NCALD: variants seen among roughly 807,000 people sequenced by gnomAD.
NCALD encodes neurocalcin-delta.
A neutral mutation model predicts 18.6 loss-of-function variants in NCALD; 10 were observed. The observed-to-expected ratio is 0.54, with a 90% CI of 0.33 to 0.91. The LOEUF (loss-of-function observed/expected upper bound fraction) is 0.91. Ranked by LOEUF, NCALD falls within the 40% of genes least tolerant of loss-of-function variation. The pLI is 0.03. For missense variants in NCALD, 184 were observed against 247.6 expected (o/e 0.74, Z 1.72); for synonymous variants, 88 against 87.4 (o/e 1.01, Z -0.04).
intron 1 of NCALD, among the ~76,000 whole-genome samples, chr8:102,068,470 C>T (rs1258339676): frequency 6.6e-6 from 1 of 152,182 alleles, no homozygotes; most frequent in African/African-American, 2.4e-5. Context: ...CTAGAATGTT[C>T]TTTCCTCTGT....
chr8:101,695,545 C>T (rs1047408426), intron 2 of NCALD, among the ~76,000 whole-genome samples: 2 of 152,102 alleles, frequency 1.3e-5, no homozygotes, highest in African/African-American at 4.8e-5. Context: ...CACCTGAGTG[C>T]TCACCTACCC....
At chr8:102,111,674 A>C (rs570871469) in intron 1 of NCALD, among the ~76,000 whole-genome samples, 1 of 152,234 alleles carries the variant, frequency 6.6e-6, no homozygotes, top group African/African-American at 2.4e-5. Context: ...TATAATCCAA[A>C]TTACTCATCT....
At chr8:102,091,765 A>G (rs1758095157) in intron 1 of NCALD, among the ~76,000 whole-genome samples, 1 of 152,218 alleles carries the variant, frequency 6.6e-6, no homozygotes, top group Non-Finnish European at 1.5e-5. Flanking sequence ...GGAGTTATGA[A>G]TGGCCCTCAC....
At chr8:101,822,646 C>T (rs1376979367) in intron 4 of NCALD, among the ~76,000 whole-genome samples, 1 of 152,220 alleles carries the variant, frequency 6.6e-6, no homozygotes. Context: ...GTGGTGCTGG[C>T]TGTTACAGCA....
chr8:102,079,213 T>C (rs531213492), intron 1 of NCALD, among the ~76,000 whole-genome samples: 1 of 152,350 alleles, frequency 6.6e-6, no homozygotes, highest in South Asian at 2.1e-4. Flanking sequence ...GAGCTTTAGC[T>C]TTGTGCACAC....
chr8:101,982,947 C>G (rs1301888810), intron 2 of NCALD, among the ~76,000 whole-genome samples: 1 of 152,128 alleles, frequency 6.6e-6, no homozygotes, highest in Admixed American at 6.5e-5. Flanking sequence ...CAGACACATG[C>G]TCTTCCCTTC....
intron 2 of NCALD, among the ~76,000 whole-genome samples, chr8:101,697,640 A>G (rs1815063345): frequency 6.6e-6 from 1 of 152,212 alleles, no homozygotes; most frequent in Admixed American, 6.5e-5. Flanking sequence ...CTAGTTCAAC[A>G]TATGCAAATA....
intron 4 of NCALD, among the ~76,000 whole-genome samples, chr8:101,821,939 C>T (rs1813740214): frequency 2.7e-5 from 4 of 148,296 alleles, no homozygotes; most frequent in Admixed American, 2.7e-4. Flanking sequence ...CAGGCCCCCA[C>T]ATGCTGGCTG....
chr8:102,007,642 G>T (rs918497307), intron 2 of NCALD, among the ~76,000 whole-genome samples: 1 of 152,144 alleles, frequency 6.6e-6, no homozygotes, highest in African/African-American at 2.4e-5. Flanking sequence ...TTCATCCCTC[G>T]ACCAGTTGCT....
chr8:102,035,586 G>T (rs749052613), intron 1 of NCALD, among the ~76,000 whole-genome samples: 5 of 151,996 alleles, frequency 3.3e-5, no homozygotes, highest in Admixed American at 6.6e-5. Context: ...GTGAATCAGC[G>T]TTTGTTCCTG....
chr8:101,800,262 A>C (rs1169960942), intron 4 of NCALD, among the ~76,000 whole-genome samples: 1 of 152,186 alleles, frequency 6.6e-6, no homozygotes, highest in East Asian at 1.9e-4. Context: ...CAAAAGTAAA[A>C]GAGAGGAATA....
At chr8:101,825,663 A>G (rs1304451778) in intron 4 of NCALD, among the ~76,000 whole-genome samples, 2 of 152,286 alleles carry the variant, frequency 1.3e-5, no homozygotes, top group South Asian at 2.1e-4. Context: ...TCCTCTCAGT[A>G]CCTTCCATCT....
intron 2 of NCALD, among the ~76,000 whole-genome samples, chr8:101,944,934 C>T (rs570529729): frequency 6.6e-6 from 1 of 152,314 alleles, no homozygotes; most frequent in East Asian, 1.9e-4. Flanking sequence ...TCTTTCAAAT[C>T]CCAGCCTGTA....
intron 4 of NCALD, among the ~76,000 whole-genome samples, chr8:101,844,888 T>G (rs1814801415): frequency 6.6e-6 from 1 of 152,206 alleles, no homozygotes; most frequent in South Asian, 2.1e-4. Context: ...ATGAAGTACT[T>G]CCACACATAC....
At chr8:102,091,704 C>T (rs568471942) in intron 1 of NCALD, among the ~76,000 whole-genome samples, 1 of 152,296 alleles carries the variant, frequency 6.6e-6, no homozygotes, top group East Asian at 1.9e-4. Context: ...TGAATGTTTT[C>T]TTAAATCGAA....
chr8:101,800,255 AAGT>A (rs1156760540), intron 4 of NCALD, among the ~76,000 whole-genome samples: 1 of 152,190 alleles, frequency 6.6e-6, no homozygotes, highest in Non-Finnish European at 1.5e-5. Context: ...ATTAGCACAA[AAGT>A]AAAAGAGAGG....
At chr8:101,795,856 A>C (rs1812619581), upstream of NCALD, among the ~76,000 whole-genome samples, 1 of 152,222 alleles carries the variant, frequency 6.6e-6, no homozygotes, top group Non-Finnish European at 1.5e-5. Context: ...GAGAGAAAAA[A>C]ATGGAATCAC....
At chr8:101,690,349 G>T in intron 3 of NCALD, 1 of 980,870 alleles carries the variant, frequency 1.0e-6, no homozygotes. Context: ...GGGCATCTCC[G>T]CCCAGCTTTG....
At chr8:101,821,925 A>G (rs1813739165) in intron 4 of NCALD, among the ~76,000 whole-genome samples, 1 of 151,100 alleles carries the variant, frequency 6.6e-6, no homozygotes, top group African/African-American at 2.4e-5. Context: ...TTTTTCCAGC[A>G]TACCAGGCCC....
Sources: allele counts gnomAD v4.1 joint callset (sites outside exome capture counted in the v4.1 genomes callset), GRCh38; gene constraint gnomAD v4.1.1; transcripts MANE v1.5; gene names NCBI Gene and HGNC (gene_info 2026-07-23, HGNC 2026-07-21).